The following NEDD4L variants were observed in gnomAD, a reference collection of about 807,000 sequenced individuals.
The protein encoded by NEDD4L is E3 ubiquitin-protein ligase NEDD4-like.
NEDD4L carries 54 observed loss-of-function variants against 148.9 expected under a neutral mutation model. The ratio of observed to expected loss-of-function variants is 0.36; its 90% CI spans 0.29 to 0.45. The LOEUF is 0.45. Ranked by LOEUF, NEDD4L falls within the 20% of genes least tolerant of loss-of-function variation. NEDD4L has a pLI of 1.00. For missense variants in NEDD4L, 856 were observed against 1,233.8 expected, an observed-to-expected ratio of 0.69 and a Z score of 4.59; for synonymous variants, 433 against 440.7, an observed-to-expected ratio of 0.98 and a Z score of 0.22.
At chr18:58,128,561 G>A (rs2031540323) in intron 1 of NEDD4L, among the ~76,000 whole-genome samples, 1 of 152,112 alleles carries the variant, frequency 6.6e-6, no homozygotes, top group Non-Finnish European at 1.5e-5. Flanking sequence ...CCTGTCCCTT[G>A]TCCCTCTTCC....
chr18:58,214,088 C>G (rs374270219), intron 2 of NEDD4L, among the ~76,000 whole-genome samples: 2 of 152,342 alleles, frequency 1.3e-5, no homozygotes, highest in African/African-American at 4.8e-5. Flanking sequence ...GACCACATTC[C>G]TGCTTTGGCC....
intron 1 of NEDD4L, among the ~76,000 whole-genome samples, chr18:58,118,987 C>CG (rs913361843): frequency 2.0e-5 from 3 of 152,020 alleles, no homozygotes; most frequent in African/African-American, 7.2e-5. Context: ...TTACCCAGGC[C>CG]CGGGGTCATC....
intron 13 of NEDD4L, among the ~76,000 whole-genome samples, chr18:58,337,569 T>C (rs118143198): frequency 1.3e-5 from 2 of 152,286 alleles, no homozygotes; most frequent in Non-Finnish European, 2.9e-5. Flanking sequence ...TGTGCCACTT[T>C]ATTTTATTTT....
chr18:58,185,659 A>G (rs2039384130), intron 2 of NEDD4L, among the ~76,000 whole-genome samples: 1 of 152,190 alleles, frequency 6.6e-6, no homozygotes. Flanking sequence ...GGATCACCTG[A>G]GGTCAGGAGT....
At chr18:58,278,915 A>G (rs550373161) in intron 5 of NEDD4L, among the ~76,000 whole-genome samples, 8 of 152,320 alleles carry the variant, frequency 5.3e-5, no homozygotes, top group African/African-American at 1.7e-4. Context: ...TCTGTCACCC[A>G]GGCTGGAGTG....
chr18:58,265,111 C>T (rs918370347), intron 5 of NEDD4L, among the ~76,000 whole-genome samples: 2 of 151,590 alleles, frequency 1.3e-5, no homozygotes, highest in Non-Finnish European at 2.9e-5. Flanking sequence ...CATGGAGGGG[C>T]AAGACTGGAA....
intron 1 of NEDD4L, among the ~76,000 whole-genome samples, chr18:58,163,085 G>C (rs981251043): frequency 6.3e-5 from 9 of 143,140 alleles, no homozygotes; most frequent in Non-Finnish European, 1.2e-4. Context: ...AAAAAAAAAA[G>C]AAATGGGGTG....
At chr18:58,296,204 A>G (rs1399489708) in intron 5 of NEDD4L, among the ~76,000 whole-genome samples, 2 of 152,156 alleles carry the variant, frequency 1.3e-5, no homozygotes, top group Admixed American at 6.5e-5. Context: ...TCAGGACACT[A>G]TTAGTTAGGA....
chr18:58,070,952 T>G (rs2082841301), intron 1 of NEDD4L, among the ~76,000 whole-genome samples: 1 of 152,100 alleles, frequency 6.6e-6, no homozygotes, highest in African/African-American at 2.4e-5. Context: ...AATTGACACA[T>G]TGTATTAGAT....
chr18:58,322,012 CAA>C (rs1260156814), intron 6 of NEDD4L, among the ~76,000 whole-genome samples: 1 of 152,154 alleles, frequency 6.6e-6, no homozygotes, highest in Non-Finnish European at 1.5e-5. Context: ...ATACAAAAAA[CAA>C]AGTTTCCCTC....
chr18:58,166,365 CTTT>C (rs2036844423), intron 2 of NEDD4L, among the ~76,000 whole-genome samples: 1 of 152,152 alleles, frequency 6.6e-6, no homozygotes, highest in African/African-American at 2.4e-5. Flanking sequence ...TGTGTTTCAG[CTTT>C]TTTATTTTCA....
chr18:58,232,166 G>A (rs537519799), intron 2 of NEDD4L, among the ~76,000 whole-genome samples: 1 of 152,194 alleles, frequency 6.6e-6, no homozygotes, highest in Non-Finnish European at 1.5e-5. Context: ...GTGCTCTGAC[G>A]AGGTGGGGCA....
intron 5 of NEDD4L, among the ~76,000 whole-genome samples, chr18:58,257,070 G>A (rs567103567): frequency 1.3e-5 from 2 of 152,166 alleles, no homozygotes; most frequent in Admixed American, 6.5e-5. Context: ...GAAGAATTTC[G>A]AATAAAATTT....
intron 9 of NEDD4L, among the ~76,000 whole-genome samples, chr18:58,327,931 CA>C (rs200568596): frequency 5.5e-5 from 8 of 144,740 alleles, no homozygotes; most frequent in East Asian, 2.0e-4. Flanking sequence ...TAATTTACTG[CA>C]AAAAAAAAAG....
rs886930473 is a variant in NEDD4L, at chr18:58,396,999, C to G, written c.*730C>G. On this transcript the variant is annotated 3_prime_UTR_variant, in exon 31 of 31. Transcript: ENST00000400345. Reference sequence around the variant, plus strand: ...ACAGGCTGAGAGAATTGTAACATAGCATGACAAATTTTGTGTTGACTTGAA... The same window carrying G: ...ACAGGCTGAGAGAATTGTAACATAGGATGACAAATTTTGTGTTGACTTGAA... 1.3e-5 allele frequency: 2 copies of G among 152,594 alleles called. No individual in the cohort carries two copies. The highest frequency in any genetic ancestry group is 4.8e-5 in the African/African-American group (2 of 41,424). 9.5% of individuals were successfully genotyped at this position (152,594 alleles called of 1,614,324 possible).
chr18:58,330,951 A>G, intron 11 of NEDD4L, 37 bp downstream of exon 11: 1 of 1,601,132 alleles, frequency 6.2e-7, no homozygotes, highest in South Asian at 1.1e-5. Context: ...AAGCTGAGCA[A>G]TGTTTTATTG....
chr18:58,333,145 G>C (rs1297712991), intron 11 of NEDD4L, among the ~76,000 whole-genome samples: 2 of 152,060 alleles, frequency 1.3e-5, no homozygotes, highest in African/African-American at 2.4e-5. Flanking sequence ...AAGTGTGGTG[G>C]GGGGGGCTTG....
intron 2 of NEDD4L, among the ~76,000 whole-genome samples, chr18:58,189,299 G>T (rs924700017): frequency 2.0e-5 from 3 of 152,112 alleles, no homozygotes; most frequent in African/African-American, 7.2e-5. Flanking sequence ...CATAGCCCTG[G>T]TGTGCTCTGG....
intron 1 of NEDD4L, among the ~76,000 whole-genome samples, chr18:58,109,108 C>A (rs947814853): frequency 1.3e-5 from 2 of 152,228 alleles, no homozygotes; most frequent in South Asian, 2.1e-4. Context: ...TTCTTTCATG[C>A]ATTCAACAAT....
Sources: allele counts gnomAD v4.1 joint callset (sites outside exome capture counted in the v4.1 genomes callset), GRCh38; gene constraint gnomAD v4.1.1; transcripts MANE v1.5; gene names NCBI Gene and HGNC (gene_info 2026-07-23, HGNC 2026-07-21).